The following SAP130 variants were observed in gnomAD, a reference collection of about 807,000 sequenced individuals.
The protein encoded by SAP130 is Sin3A associated protein 130.
In SAP130, 16 loss-of-function variants were observed where a neutral mutation model predicts 103.2. The ratio of observed to expected loss-of-function variants is 0.16; its 90% CI spans 0.10 to 0.24. The LOEUF (loss-of-function observed/expected upper bound fraction) is 0.24. Among genes scored for constraint, SAP130 ranks in the 10% least tolerant of loss-of-function variants. SAP130 has a pLI of 1.00. For synonymous variants in SAP130, 477 were observed against 497.0 expected (o/e 0.96, Z 0.53); for missense variants, 990 against 1,359.7 (o/e 0.73, Z 4.28).
intron 10 of SAP130, among the ~76,000 whole-genome samples, chr2:127,997,099 A>T (rs1444142241): frequency 6.6e-6 from 1 of 152,206 alleles, no homozygotes; most frequent in Non-Finnish European, 1.5e-5. Flanking sequence ...TCACTTAATA[A>T]TTTCTAAGGT....
At chr2:127,952,602 T>C (rs1679571728) in intron 16 of SAP130, among the ~76,000 whole-genome samples, 1 of 152,136 alleles carries the variant, frequency 6.6e-6, no homozygotes, top group Admixed American at 6.6e-5. Flanking sequence ...GTCATGCTTT[T>C]ACCCCATCAT....
chr2:127,965,642 T>C (rs1250817957), intron 15 of SAP130, among the ~76,000 whole-genome samples: 3 of 151,524 alleles, frequency 2.0e-5, no homozygotes, highest in Admixed American at 2.0e-4. Flanking sequence ...ATACAAAAAT[T>C]AGCTGGGCAT....
At chr2:127,994,510 T>G (rs1341388447) in intron 11 of SAP130, among the ~76,000 whole-genome samples, 1 of 152,186 alleles carries the variant, frequency 6.6e-6, no homozygotes, top group African/African-American at 2.4e-5. Context: ...GAGAATCACT[T>G]GAACCTGGGA....
intron 14 of SAP130, among the ~76,000 whole-genome samples, chr2:127,981,352 T>G (rs13033377): frequency 1.3e-4 from 1 of 7,806 alleles, no homozygotes; most frequent in Non-Finnish European, 2.3e-4. Flanking sequence ...AGTCCTCCTG[T>G]ACCCTCGACT....
chr2:128,000,045 C>A lies in SAP130; in HGVS notation c.1108+11G>T, dbSNP rs190254000. 3 of 1,612,850 alleles carry A rather than the reference C, an allele frequency of 1.9e-6. No homozygotes were observed. The highest frequency in any genetic ancestry group is 2.2e-5 in the South Asian group (2 of 91,040). On this transcript the variant is annotated intron_variant, in intron 9 of 20. Coordinates refer to ENST00000643581, the MANE Select transcript of SAP130 (RefSeq NM_001330301.2). The stretch of plus-strand genomic sequence containing the variant: ...TCCCCAGTAGAAGGAAGAGGAGGGT[C>A]GTGGACTTACCAGCTGTGGTCGCTG...
intron 15 of SAP130, among the ~76,000 whole-genome samples, chr2:127,971,057 C>T (rs1046530418): frequency 6.6e-6 from 1 of 151,882 alleles, no homozygotes; most frequent in Non-Finnish European, 1.5e-5. Context: ...CTCAAGCAAT[C>T]CTCCCACCTC....
At chr2:127,951,689 A>C (rs1224461480) in intron 16 of SAP130, among the ~76,000 whole-genome samples, 2 of 152,190 alleles carry the variant, frequency 1.3e-5, no homozygotes, top group African/African-American at 4.8e-5. Flanking sequence ...CCAAGAGGTT[A>C]AATCCTGTTC....
At chr2:127,978,896 T>C (rs1229350914) in intron 14 of SAP130, among the ~76,000 whole-genome samples, 2 of 151,660 alleles carry the variant, frequency 1.3e-5, no homozygotes, top group African/African-American at 2.4e-5. Context: ...TTACAGAAAA[T>C]GTGGAAGATA....
intron 16 of SAP130, among the ~76,000 whole-genome samples, chr2:127,952,691 C>T (rs192081950): frequency 1.3e-5 from 2 of 152,226 alleles, no homozygotes; most frequent in African/African-American, 2.4e-5. Flanking sequence ...ACCTCATCTT[C>T]CTTGATCTCT....
At position 127,955,857 on chromosome 2, in the gene SAP130, T is replaced by C. The variant is rs1043584076; in HGVS notation, c.2064-513A>G. Among the ~76,000 whole-genome samples the C allele has an allele frequency of 1.3e-5, 2 of 152,216 alleles. No homozygotes were observed. The highest frequency in any genetic ancestry group is 2.9e-5 in the Non-Finnish European group (2 of 68,038). On this transcript the variant is annotated intron_variant, in intron 15 of 20. Coordinates refer to ENST00000643581, the MANE Select transcript of SAP130 (RefSeq NM_001330301.2). The surrounding 1 kb of genome is among the most constrained non-coding windows in gnomAD (Gnocchi z 4.9). ...AAATGGAAATCAGGTTTTAAAGATA[T>C]ACTGTATGTCCTGCTCCCAAGTTTT...
intron 12 of SAP130, among the ~76,000 whole-genome samples, chr2:127,992,836 A>G (rs2105033802): frequency 6.6e-6 from 1 of 152,344 alleles, no homozygotes; most frequent in African/African-American, 2.4e-5. Flanking sequence ...ATTATAAACA[A>G]ACCTTTATAA....
In SAP130 at chr2:128,020,157, CT is replaced by C. The variant is rs576703209; in HGVS notation, c.113-2243del. The stretch of plus-strand genomic sequence containing the variant: ...AAATTTTGGGTTTTTATTCATTTGA[CT>C]TTTTTTTCTTGAAGTATGATTTTCA... On this transcript the variant is annotated intron_variant, in intron 2 of 20. Coordinates refer to ENST00000643581, the MANE Select transcript of SAP130 (RefSeq NM_001330301.2). Among the ~76,000 whole-genome samples the C allele has an allele frequency of 9.2e-5, 14 of 152,096 alleles. No homozygotes were observed. In the East Asian group the frequency reaches 1.7e-3, roughly 19 times the overall value.
chr2:127,994,328 C>A lies in SAP130; in HGVS notation c.1356-1020G>T, dbSNP rs184638774. 1.8e-4 allele frequency among the ~76,000 whole-genome samples: 28 copies of A among 152,298 alleles called. No homozygotes were observed. The East Asian group carries it at 5.4e-3, about 29-fold the overall frequency. ...GGTGAATCATTTGAGCTCAGGAGTT[C>A]GAGACCAGCCTGAGCACTCTGGGAG... On this transcript the variant is annotated intron_variant, in intron 11 of 20. Transcript: ENST00000643581.
chr2:127,964,494 CAAAAAAAA>C (rs55755397), intron 15 of SAP130, among the ~76,000 whole-genome samples: 5 of 69,902 alleles, frequency 7.2e-5, no homozygotes, highest in South Asian at 5.9e-4. Context: ...AACTCCATCT[CAAAAAAAA>C]AAAAAAAAAA....
intron 2 of SAP130, among the ~76,000 whole-genome samples, chr2:128,018,524 G>A (rs1684939373): frequency 6.7e-6 from 1 of 148,424 alleles, no homozygotes; most frequent in Non-Finnish European, 1.5e-5. Context: ...TGGTGCAGTG[G>A]CTTGCACCTG....
chr2:128,026,324 A>T (rs772195788), intron 1 of SAP130, 26 bp from the exon 2 acceptor site: 1 of 1,474,920 alleles, frequency 6.8e-7, no homozygotes, highest in South Asian at 1.1e-5. Context: ...TTATATGGTT[A>T]TTACTAGATT....
chr2:127,947,764 C>CTGTGTGTGTGTGTGAGTGTGTG (rs1553500426), intron 18 of SAP130, among the ~76,000 whole-genome samples: 42 of 143,312 alleles, frequency 2.9e-4, no homozygotes, highest in Non-Finnish European at 6.1e-5. Flanking sequence ...TTGTGTGTGT[C>CTGTGTGTGTGTGTGAGTGTGTG]TGTGTGTGTG....
intron 2 of SAP130, among the ~76,000 whole-genome samples, 183 bp downstream of exon 2, chr2:128,025,998 T>C (rs1425154580): frequency 6.6e-6 from 1 of 152,200 alleles, no homozygotes; most frequent in Admixed American, 6.5e-5. Context: ...TCTATGTGAA[T>C]GAAGTGGTTA....
At chr2:127,958,004 G>A (rs1338664993) in intron 15 of SAP130, among the ~76,000 whole-genome samples, 1 of 152,202 alleles carries the variant, frequency 6.6e-6, no homozygotes, top group African/African-American at 2.4e-5. Context: ...TCAGACTGAA[G>A]AGACCACTGA....
Sources: gnomAD v4.1 joint callset for allele counts (sites outside exome capture counted in the v4.1 genomes callset) on GRCh38, gnomAD v4.1.1 for gene constraint, Gnocchi (gnomAD v3.1) non-coding constraint, MANE v1.5 for transcripts, NCBI Gene and HGNC (gene_info 2026-07-23, HGNC 2026-07-21) for gene names.